INSYN2A: variants seen among roughly 807,000 people sequenced by gnomAD.
INSYN2A encodes family with sequence similarity 196 member A.
In INSYN2A, 17 loss-of-function variants were observed where a neutral mutation model predicts 39.4. The observed-to-expected ratio is 0.43, with a 90% CI of 0.30 to 0.65. INSYN2A has a LOEUF of 0.65. Ranked by LOEUF, INSYN2A falls within the 30% of genes least tolerant of loss-of-function variation. The pLI, the probability that INSYN2A is intolerant of heterozygous loss-of-function variation, is 0.14. For missense variants in INSYN2A, 595 were observed against 631.2 expected, an observed-to-expected ratio of 0.94 and a Z score of 0.61; for synonymous variants, 255 against 265.7, an observed-to-expected ratio of 0.96 and a Z score of 0.39.
chr10:127,181,652 C>T (rs1461935545), intron 2 of INSYN2A, among the ~76,000 whole-genome samples: 1 of 152,160 alleles, frequency 6.6e-6, no homozygotes. Flanking sequence ...ACTGGGTCAG[C>T]ATTTTCTTCC....
chr10:127,171,976 A>C (rs989185872), intron 4 of INSYN2A, among the ~76,000 whole-genome samples: 3 of 152,210 alleles, frequency 2.0e-5, no homozygotes, highest in Non-Finnish European at 2.9e-5. Flanking sequence ...AAGTGCTGGG[A>C]TTACAGGCAT....
intron 5 of INSYN2A, among the ~76,000 whole-genome samples, chr10:127,153,184 G>T (rs61361683): frequency 0.079 from 12,071 of 152,186 alleles, 665 homozygotes; most frequent in Middle Eastern, 0.14. Flanking sequence ...AATTACATTT[G>T]CAAAAAGAAA....
At position 127,176,552 on chromosome 10, in the gene INSYN2A, G is replaced by T. The variant is rs538821100; in HGVS notation, c.-5-152C>A. Among the ~76,000 whole-genome samples the T allele has an allele frequency of 2.0e-5, 3 of 152,238 alleles. No individual in the cohort carries two copies. The South Asian group carries it at 6.2e-4, about 32-fold the overall frequency. On this transcript the variant is annotated intron_variant, in intron 3 of 5. Coordinates refer to ENST00000522781, the MANE Select transcript of INSYN2A (RefSeq NM_001039762.3). The surrounding 1 kb of genome is among the most constrained non-coding windows in gnomAD (Gnocchi z 4.4). ...GCCTTTATGTTAAGGAAAATCACAC[G>T]GGCTGAGAGTCGCTGGCAGCACAGC...
intron 5 of INSYN2A, among the ~76,000 whole-genome samples, chr10:127,143,829 C>T (rs2051515175): frequency 6.6e-6 from 1 of 152,092 alleles, no homozygotes; most frequent in Non-Finnish European, 1.5e-5. Context: ...AGAACCAGGA[C>T]CCCAAATATT....
rs1395688958 is a variant in INSYN2A at position 127,196,590 on chromosome 10, C to G, written c.-988G>C. ...GGCTGGCACCGAGGCGGGCGGAGCC[C>G]CGGGCCCCGCGGGGCGGAGGTGGGG... On this transcript the variant is annotated 5_prime_UTR_variant, in exon 1 of 6. Transcript: ENST00000522781. Among the ~76,000 whole-genome samples, 8 of 145,400 alleles carry G rather than the reference C, an allele frequency of 5.5e-5. No homozygotes were observed. Among genetic ancestry groups the G allele is most frequent in the Admixed American group, 3.4e-4 (5 of 14,710 alleles).
intron 5 of INSYN2A, among the ~76,000 whole-genome samples, chr10:127,149,676 A>G (rs2052293482): frequency 6.8e-6 from 1 of 148,016 alleles, no homozygotes; most frequent in African/African-American, 2.4e-5. Context: ...ATTTCCCTCC[A>G]GGGCTTTTGG....
chr10:127,153,138 A>G (rs1017963742), intron 5 of INSYN2A, among the ~76,000 whole-genome samples: 3 of 152,220 alleles, frequency 2.0e-5, no homozygotes, highest in African/African-American at 7.2e-5. Flanking sequence ...ACTTACTCAT[A>G]ACATTTCTCA....
chr10:127,193,464 T>A (rs2056889337), intron 1 of INSYN2A, among the ~76,000 whole-genome samples: 1 of 152,090 alleles, frequency 6.6e-6, no homozygotes, highest in Non-Finnish European at 1.5e-5. Flanking sequence ...CTTTGGGAGG[T>A]AGCTGTGATC....
Position 127,137,768 on chromosome 10 carries a change from T to C in INSYN2A, c.*69A>G. ...CACAGTTCCCTCGATCCTATTCATTTTGGAAAAGTATTGACTTAAACTCCA... is the reference window on the plus strand; with the variant it reads ...CACAGTTCCCTCGATCCTATTCATTCTGGAAAAGTATTGACTTAAACTCCA... On this transcript the variant is annotated 3_prime_UTR_variant, in exon 6 of 6. Transcript: ENST00000522781. 7.0e-7 allele frequency: 1 copy of C among 1,433,118 alleles called. No individual in the cohort carries two copies. Among genetic ancestry groups the C allele is most frequent in the Non-Finnish European group, 9.5e-7 (1 of 1,055,564 alleles). 88.8% of individuals were successfully genotyped at this position (1,433,118 alleles called of 1,614,324 possible). A position where few individuals can be genotyped will look rare whatever the true frequency, so the allele number is the denominator to read the frequency against.
rs1241367681 is a variant in INSYN2A, at chr10:127,175,508, C to A, written c.888G>T (p.Gly296=). 6.2e-7 allele frequency: 1 copy of A among 1,608,942 alleles called. No homozygotes were observed. The highest frequency in any genetic ancestry group is 8.5e-7 in the Non-Finnish European group (1 of 1,180,004). Residue 296 remains glycine (G), a synonymous_variant, in exon 4 of 6, where the codon GGG becomes GGT. Transcript: ENST00000522781. This position sits in a 1 kb window ranked among gnomAD's most constrained non-coding sequence, Gnocchi z 6.3. ...GGGCAGTTTCCGAGGGCGCCTGGAG[C>A]CCGTTGAGATGTGTGGCTCTCCTCC... The part of the protein sequence containing the change: ...DERRRATHLN[G]LQAPSETALA...
intron 5 of INSYN2A, among the ~76,000 whole-genome samples, chr10:127,140,035 T>C (rs1278451795): frequency 6.6e-6 from 1 of 152,218 alleles, no homozygotes; most frequent in South Asian, 2.1e-4. Context: ...AGCGTAATTC[T>C]ACCAAGGTGC....
chr10:127,161,590 CCT>C, intron 4 of INSYN2A, among the ~76,000 whole-genome samples: 1 of 152,192 alleles, frequency 6.6e-6, no homozygotes, highest in Non-Finnish European at 1.5e-5. Flanking sequence ...TCTGTTCTCC[CCT>C]GCTTTTGGGA....
In INSYN2A at chr10:127,137,968, T is replaced by G. The variant is rs528173288; in HGVS notation, c.1309A>C (p.Lys437Gln). ...TGAGTTTCCTCAATAGGGTGGAGTT[T>G]TCTTAGAACCGGCTGGAGTTTGTCT... ...QEDKLQPVLR[K>Q]LHPIEETQVI... The change falls in exon 6 of 6, where the codon AAA (lysine) becomes CAA (glutamine). Residue 437 changes from lysine (K) to glutamine (Q), a missense_variant. Coordinates refer to ENST00000522781, the MANE Select transcript of INSYN2A (RefSeq NM_001039762.3). 30 of 1,613,950 alleles carry G rather than the reference T, an allele frequency of 1.9e-5. No individual in the cohort carries two copies. The South Asian group carries it at 3.1e-4, about 17-fold the overall frequency.
rs567558956 is a variant in INSYN2A, at chr10:127,148,953, G to T, written c.1256+4899C>A. 1.3e-3 allele frequency among the ~76,000 whole-genome samples: 191 copies of T among 152,236 alleles called. 1 individual carries two copies. Among genetic ancestry groups the T allele is most frequent in the African/African-American group, 4.4e-3 (182 of 41,552 alleles). On this transcript the variant is annotated intron_variant, in intron 5 of 5. Coordinates refer to ENST00000522781, the MANE Select transcript of INSYN2A (RefSeq NM_001039762.3). ...AGCTGTGTCAACCATCTCAAAATTT[G>T]TCAGAAAGATCACGTTTGGTACTTG...
At chr10:127,165,581 T>G (rs956549876) in intron 4 of INSYN2A, among the ~76,000 whole-genome samples, 1 of 152,350 alleles carries the variant, frequency 6.6e-6, no homozygotes, top group Middle Eastern at 3.4e-3. Flanking sequence ...TAAGGTTTAT[T>G]TTTATATTGC....
At chr10:127,174,524 G>A (rs577699833) in intron 4 of INSYN2A, among the ~76,000 whole-genome samples, 1 of 152,130 alleles carries the variant, frequency 6.6e-6, no homozygotes, top group Non-Finnish European at 1.5e-5. Flanking sequence ...TCTTATCAAC[G>A]CAATAAAGTA....
intron 2 of INSYN2A, among the ~76,000 whole-genome samples, chr10:127,188,629 C>T (rs1049490507): frequency 9.2e-5 from 14 of 152,310 alleles, no homozygotes; most frequent in South Asian, 4.1e-4. Flanking sequence ...GTAGTCCTTA[C>T]GAACTGGGGC....
At chr10:127,170,594 A>G (rs889352689) in intron 4 of INSYN2A, among the ~76,000 whole-genome samples, 2 of 152,158 alleles carry the variant, frequency 1.3e-5, no homozygotes, top group African/African-American at 2.4e-5. Flanking sequence ...CGGGGTTGCC[A>G]CACTGTAGTT....
chr10:127,190,782 T>C (rs535372573), intron 2 of INSYN2A, among the ~76,000 whole-genome samples: 6 of 149,224 alleles, frequency 4.0e-5, no homozygotes, highest in Non-Finnish European at 8.9e-5. Context: ...TCTTGCCACA[T>C]TACAAAGACT....
Sources: allele counts gnomAD v4.1 joint callset (sites outside exome capture counted in the v4.1 genomes callset), GRCh38; gene constraint gnomAD v4.1.1; non-coding constraint Gnocchi (gnomAD v3.1); transcripts MANE v1.5; gene names NCBI Gene and HGNC (gene_info 2026-07-23, HGNC 2026-07-21).